ADAM22: variants seen among roughly 807,000 people sequenced by gnomAD.
ADAM22 encodes ADAM metallopeptidase domain 22, also known as disintegrin and metalloproteinase domain-containing protein 22.
Under a neutral mutation model 144.6 loss-of-function variants are expected in ADAM22, and 65 were observed. The ratio of observed to expected loss-of-function variants is 0.45; its 90% confidence interval spans 0.37 to 0.55. The LOEUF is 0.55. Among genes scored for constraint, ADAM22 ranks in the 20% least tolerant of loss-of-function variants. The pLI, the probability that ADAM22 is intolerant of heterozygous loss-of-function variation, is 0.00. For synonymous variants in ADAM22, 391 were observed against 412.6 expected (o/e 0.95, Z 0.63); for missense variants, 974 against 1,184.9 (o/e 0.82, Z 2.61).
chr7:88,080,905 C>T (rs1816369398), intron 4 of ADAM22, among the ~76,000 whole-genome samples: 1 of 152,092 alleles, frequency 6.6e-6, no homozygotes, highest in African/African-American at 2.4e-5. Context: ...TGAATTCTAC[C>T]AGAGGTACAA....
At chr7:88,079,983 T>C (rs531239675) in intron 4 of ADAM22, among the ~76,000 whole-genome samples, 1 of 152,310 alleles carries the variant, frequency 6.6e-6, no homozygotes, top group East Asian at 1.9e-4. Flanking sequence ...AATTCAGCTC[T>C]GCACCAAGCA....
chr7:88,050,752 G>T (rs1207901694), intron 3 of ADAM22, among the ~76,000 whole-genome samples: 1 of 152,108 alleles, frequency 6.6e-6, no homozygotes, highest in Admixed American at 6.6e-5. Context: ...GTAGATTCTG[G>T]ATATTAGCCC....
At position 88,000,075 on chromosome 7, in the gene ADAM22, G is replaced by A. The variant is rs28580266; in HGVS notation, c.323+21663G>A. ...ATATGACATTCATTATTAAATGCTG[G>A]AAATAATATATTTTCCAATAGTGGA... On this transcript the variant is annotated intron_variant, in intron 3 of 31. Coordinates refer to ENST00000413139, the MANE Select transcript of ADAM22 (RefSeq NM_001324418.2). Among the ~76,000 whole-genome samples, 348 of 152,052 alleles carry A rather than the reference G, an allele frequency of 2.3e-3. 3 individuals carry two copies. The highest frequency in any genetic ancestry group is 8.0e-3 in the African/African-American group (330 of 41,488).
chr7:88,186,741 C>A, intron 30 of ADAM22, 40 bp downstream of exon 30: 1 of 1,239,654 alleles, frequency 8.1e-7, no homozygotes, highest in Non-Finnish European at 1.2e-6. Context: ...CTCAAACTCT[C>A]CCAGCACATA....
At chr7:88,195,778 A>G (rs1284591363) in intron 31 of ADAM22, among the ~76,000 whole-genome samples, 1 of 152,082 alleles carries the variant, frequency 6.6e-6, no homozygotes, top group African/African-American at 2.4e-5. Context: ...CGGCCTCCCA[A>G]AGTGCTGGGA....
chr7:88,132,647 T>C, intron 11 of ADAM22: 2 of 398,036 alleles, frequency 5.0e-6, no homozygotes, highest in Non-Finnish European at 4.6e-6. Flanking sequence ...ATAGATATAC[T>C]TCAATTTAAG....
intron 25 of ADAM22, among the ~76,000 whole-genome samples, chr7:88,170,958 A>G (rs1247261539): frequency 1.3e-5 from 2 of 151,940 alleles, no homozygotes; most frequent in East Asian, 1.9e-4. Flanking sequence ...TTGAACAAGT[A>G]TTTCCAATGT....
intron 4 of ADAM22, among the ~76,000 whole-genome samples, chr7:88,107,960 A>C (rs1824892333): frequency 6.6e-6 from 1 of 152,162 alleles, no homozygotes; most frequent in African/African-American, 2.4e-5. Context: ...AGGTCAAGTC[A>C]ACTTTTATTT....
intron 20 of ADAM22, 79 bp downstream of exon 20, chr7:88,151,399 A>C: frequency 6.7e-7 from 1 of 1,501,810 alleles, no homozygotes; most frequent in Non-Finnish European, 9.3e-7. Context: ...GCTGGAAGTA[A>C]ATTTTTGACT....
At chr7:88,184,179 C>CTCA (rs1214159996) in intron 29 of ADAM22, 1 of 184,394 alleles carries the variant, frequency 5.4e-6, no homozygotes, top group Non-Finnish European at 1.2e-5. Flanking sequence ...ATAAAATGTC[C>CTCA]TCATATATTG....
intron 3 of ADAM22, among the ~76,000 whole-genome samples, chr7:87,996,767 G>T (rs1473094492): frequency 6.6e-6 from 1 of 152,216 alleles, no homozygotes; most frequent in African/African-American, 2.4e-5. Context: ...AAATTGGTTC[G>T]CAGCATAGTC....
At chr7:88,019,330 T>C (rs1231260509) in intron 3 of ADAM22, among the ~76,000 whole-genome samples, 2 of 151,218 alleles carry the variant, frequency 1.3e-5, no homozygotes, top group African/African-American at 2.4e-5. Context: ...AAAAAATTAG[T>C]TGGTCATGGT....
intron 2 of ADAM22, among the ~76,000 whole-genome samples, chr7:87,961,804 A>G (rs555299713): frequency 1.2e-4 from 18 of 152,310 alleles, no homozygotes; most frequent in African/African-American, 4.1e-4. Context: ...TAGTGATTTA[A>G]AAGGAAAAGT....
At chr7:88,049,927 A>G (rs1805761364) in intron 3 of ADAM22, among the ~76,000 whole-genome samples, 1 of 152,094 alleles carries the variant, frequency 6.6e-6, no homozygotes, top group African/African-American at 2.4e-5. Flanking sequence ...TCTCAGAAGA[A>G]TTAGTAATGT....
chr7:88,044,071 A>G (rs1386766828), intron 3 of ADAM22, among the ~76,000 whole-genome samples: 1 of 152,248 alleles, frequency 6.6e-6, no homozygotes, highest in Non-Finnish European at 1.5e-5. Flanking sequence ...AAATTAAAAT[A>G]GGGAAGCCAA....
chr7:88,172,189 G>A (rs941018159), intron 26 of ADAM22, among the ~76,000 whole-genome samples: 5 of 151,772 alleles, frequency 3.3e-5, no homozygotes, highest in Admixed American at 6.6e-5. Flanking sequence ...TAGCATAACC[G>A]TAAAAATCTA....
intron 30 of ADAM22, among the ~76,000 whole-genome samples, chr7:88,192,779 C>A (rs375946655): frequency 6.6e-6 from 1 of 152,158 alleles, no homozygotes; most frequent in African/African-American, 2.4e-5. Flanking sequence ...ATATTTTATA[C>A]ACATAATTTA....
chr7:88,023,677 A>G (rs1339065350), intron 3 of ADAM22, among the ~76,000 whole-genome samples: 2 of 152,320 alleles, frequency 1.3e-5, no homozygotes, highest in East Asian at 3.9e-4. Flanking sequence ...AAGTGCTGGG[A>G]TGACAGGCAT....
Position 88,151,333 on chromosome 7 carries a change from T to C in ADAM22, c.1681+13T>C. 3 of 1,613,962 alleles carry C rather than the reference T, an allele frequency of 1.9e-6. No homozygotes were observed. Among genetic ancestry groups the C allele is most frequent in the Middle Eastern group, 1.7e-4 (1 of 6,060 alleles). On this transcript the variant is annotated intron_variant, in intron 20 of 31. Transcript: ENST00000413139. ...ATTTGGGGGCAAAGTAAGTAAATAG[T>C]GTGGCTTGATCATTGTTAAAGCATG...
Sources: gnomAD v4.1 joint callset for allele counts (sites outside exome capture counted in the v4.1 genomes callset) on GRCh38, gnomAD v4.1.1 for gene constraint, MANE v1.5 for transcripts, NCBI Gene and HGNC (gene_info 2026-07-23, HGNC 2026-07-21) for gene names.